SYTL5: variants seen among roughly 807,000 people sequenced by gnomAD.
The protein encoded by SYTL5 is synaptotagmin like 5, also known as synaptotagmin-like protein 5.
Under a neutral mutation model 55.9 loss-of-function variants are expected in SYTL5, and 34 were observed. That is an observed-to-expected ratio of 0.61 (90% confidence interval 0.46 to 0.81). The LOEUF is 0.81. Ranked by LOEUF, SYTL5 falls within the 30% of genes least tolerant of loss-of-function variation. The pLI, the probability that SYTL5 is intolerant of heterozygous loss-of-function variation, is 0.00. For synonymous variants in SYTL5, 221 were observed against 188.7 expected (o/e 1.17, Z -1.40); for missense variants, 637 against 546.7 (o/e 1.17, Z -1.65).
At chrX:37,932,899 A>G in the SYTL5 span, among the ~76,000 whole-genome samples, 1 of 110,301 alleles carries the variant, frequency 9.1e-6, no homozygotes, top group East Asian at 2.8e-4. Flanking sequence ...CAGAGCCTCT[A>G]CGTGTAGCTT....
intron 2 of SYTL5, among the ~76,000 whole-genome samples, chrX:38,041,274 G>A (rs976756982): frequency 1.8e-5 from 2 of 112,240 alleles, no homozygotes; most frequent in African/African-American, 6.5e-5. Flanking sequence ...GGAAGTCAGG[G>A]AGTCTAAGCG....
chrX:37,970,771 C>T, the SYTL5 span, among the ~76,000 whole-genome samples: 2 of 111,950 alleles, frequency 1.8e-5, no homozygotes, highest in African/African-American at 6.5e-5. Context: ...GGTATTTATA[C>T]CAATAGCTGA....
intron 2 of SYTL5, among the ~76,000 whole-genome samples, chrX:38,040,454 TC>T (rs915531275): frequency 1.6e-3 from 156 of 98,220 alleles, no homozygotes; most frequent in African/African-American, 4.5e-3. Flanking sequence ...TCATTAACCA[TC>T]CCCCCCCCGA....
At chrX:38,013,165 G>C (rs1350205057) in intron 1 of SYTL5, among the ~76,000 whole-genome samples, 1 of 112,382 alleles carries the variant, frequency 8.9e-6, no homozygotes, top group Admixed American at 9.4e-5. Flanking sequence ...GACTGTTACA[G>C]AGTTTGAGCT....
At chrX:38,116,412 A>G (rs930011573) in intron 13 of SYTL5, among the ~76,000 whole-genome samples, 2 of 112,474 alleles carry the variant, frequency 1.8e-5, no homozygotes, top group Non-Finnish European at 3.8e-5. Flanking sequence ...CTTCTGATAT[A>G]GAGGCAATTA....
At chrX:38,030,132 T>C (rs1332589201) in intron 1 of SYTL5, among the ~76,000 whole-genome samples, 1 of 111,295 alleles carries the variant, frequency 9.0e-6, no homozygotes, top group Non-Finnish European at 1.9e-5. Flanking sequence ...GCCAACAGCA[T>C]ACTTCTCTGA....
At chrX:38,123,141 G>T (rs1209868262) in intron 15 of SYTL5, among the ~76,000 whole-genome samples, 2 of 111,607 alleles carry the variant, frequency 1.8e-5, no homozygotes, top group Admixed American at 1.9e-4. Flanking sequence ...GTTGTTGTTT[G>T]TTTTTGTTTT....
At chrX:37,974,238 A>C in the SYTL5 span, among the ~76,000 whole-genome samples, 2 of 112,553 alleles carry the variant, frequency 1.8e-5, no homozygotes, top group South Asian at 3.7e-4. Flanking sequence ...CCATACAATG[A>C]AATATATTCT....
chrX:37,919,396 C>T, the SYTL5 span, among the ~76,000 whole-genome samples: 1 of 111,709 alleles, frequency 9.0e-6, no homozygotes, highest in Non-Finnish European at 1.9e-5. Context: ...ATAGTAAAAA[C>T]ACTTAGAGAA....
chrX:38,003,817 G>C (rs1399728140), upstream of SYTL5, among the ~76,000 whole-genome samples: 3 of 111,996 alleles, frequency 2.7e-5, no homozygotes, highest in Non-Finnish European at 5.6e-5. Flanking sequence ...CAGTGTACAA[G>C]TGTTCCCTTT....
chrX:38,032,107 G>C lies in SYTL5; in HGVS notation c.-356-1427G>C, dbSNP rs139184525. Among the ~76,000 whole-genome samples, 62 of 112,222 alleles carry C rather than the reference G, an allele frequency of 5.5e-4. No individual in the cohort carries two copies. In the East Asian group the frequency reaches 0.014, roughly 26 times the overall value. On this transcript the variant is annotated intron_variant, in intron 1 of 16. Transcript: ENST00000297875. ...TCTCCTGAGATTTTGGGGTCAGCCT[G>C]ACCTCATGGTTACTGGGAGGCCCCA...
At chrX:37,927,905 T>TG in the SYTL5 span, among the ~76,000 whole-genome samples, 1 of 111,791 alleles carries the variant, frequency 8.9e-6, no homozygotes, top group Non-Finnish European at 1.9e-5. Flanking sequence ...TTCTTGGAAG[T>TG]GAAAAAATGG....
At chrX:37,969,590 C>A in the SYTL5 span, among the ~76,000 whole-genome samples, 22 of 112,020 alleles carry the variant, frequency 2.0e-4, 1 homozygote, top group Admixed American at 2.1e-3. Context: ...GTAAAAGTTA[C>A]AGGAGCCAAC....
the SYTL5 span, among the ~76,000 whole-genome samples, chrX:37,965,311 C>T: frequency 9.9e-5 from 11 of 110,677 alleles, no homozygotes; most frequent in Non-Finnish European, 3.8e-5. Flanking sequence ...TTCTGTAGAC[C>T]TCCTCTGTGG....
At chrX:37,948,509 G>T in the SYTL5 span, among the ~76,000 whole-genome samples, 1 of 109,644 alleles carries the variant, frequency 9.1e-6, no homozygotes, top group Non-Finnish European at 1.9e-5. Context: ...ATGATGGTTA[G>T]AATTTATATA....
the SYTL5 span, among the ~76,000 whole-genome samples, chrX:37,912,811 T>C: frequency 8.9e-6 from 1 of 112,325 alleles, no homozygotes; most frequent in African/African-American, 3.2e-5. Context: ...CTAAATCAAA[T>C]GACTATTGTG....
In SYTL5 at chrX:38,054,244, C is replaced by G. The variant is rs762093952; in HGVS notation, c.151C>G (p.Arg51Gly). The change falls in exon 3 of 17, where the codon CGT (arginine) becomes GGT (glycine). Residue 51 changes from arginine (R) to glycine (G), a missense_variant. Coordinates refer to ENST00000297875, the MANE Select transcript of SYTL5 (RefSeq NM_138780.3). ...KLKNELLEAK[R>G]RSGKTQQEAS... ...GAAAAATGAACTCTTAGAAGCAAAA[C>G]GTAGAAGTGGGAAAACTCAACAAGA... 1 of 1,210,081 alleles carries G rather than the reference C, an allele frequency of 8.3e-7. No individual in the cohort carries two copies. The highest frequency in any genetic ancestry group is 1.7e-5 in the African/African-American group (1 of 57,564).
chrX:38,058,576 C>T (rs1271356488), intron 3 of SYTL5, among the ~76,000 whole-genome samples: 1 of 110,498 alleles, frequency 9.0e-6, no homozygotes, highest in Non-Finnish European at 1.9e-5. Flanking sequence ...GTTTGCACTG[C>T]TTATTGAATC....
the SYTL5 span, among the ~76,000 whole-genome samples, chrX:37,909,185 A>G: frequency 8.9e-6 from 1 of 111,903 alleles, no homozygotes; most frequent in East Asian, 2.8e-4. Context: ...TGAAGCATGA[A>G]AAGAGTGTAT....
Sources: allele counts gnomAD v4.1 joint callset (sites outside exome capture counted in the v4.1 genomes callset), GRCh38; gene constraint gnomAD v4.1.1; transcripts MANE v1.5; gene names NCBI Gene and HGNC (gene_info 2026-07-23, HGNC 2026-07-21).